The following NUP210L variants were observed in gnomAD, a reference collection of about 807,000 sequenced individuals.
NUP210L encodes the protein nucleoporin 210 like.
Under a neutral mutation model 208.5 loss-of-function variants are expected in NUP210L, and 74 were observed. The ratio of observed to expected loss-of-function variants is 0.35; its 90% CI spans 0.29 to 0.43. The LOEUF is 0.43. Ranked by LOEUF, NUP210L falls within the 20% of genes least tolerant of loss-of-function variation. The probability of loss-of-function intolerance (pLI) is 1.00; values close to 1 mark genes in which losing one functional copy is unlikely to be tolerated. For missense variants in NUP210L, 1,843 were observed against 2,289.4 expected, an observed-to-expected ratio of 0.81 and a Z score of 3.98; for synonymous variants, 780 against 816.9, an observed-to-expected ratio of 0.95 and a Z score of 0.77.
intron 25 of NUP210L, among the ~76,000 whole-genome samples, chr1:154,048,373 C>G (rs1377390408): frequency 6.6e-6 from 1 of 152,070 alleles, no homozygotes; most frequent in Admixed American, 6.6e-5. Flanking sequence ...GGATACACCC[C>G]CCAGATCAAC....
rs146296927 is a variant in NUP210L at position 154,139,287 on chromosome 1, C to T, written c.717+515G>A. Among the ~76,000 whole-genome samples, 36 of 152,084 alleles carry T rather than the reference C, an allele frequency of 2.4e-4. No individual in the cohort carries two copies. In the East Asian group the frequency reaches 6.4e-3, roughly 27 times the overall value. On this transcript the variant is annotated intron_variant, in intron 5 of 39. Coordinates refer to ENST00000368559, the Ensembl canonical transcript of NUP210L. ...CAGTGAACTCATGGTCAAAGAAAGG[C>T]CTTGCACCTACATCAAGGATTGGTG...
intron 35 of NUP210L, among the ~76,000 whole-genome samples, chr1:154,007,780 T>TA (rs1351560654): frequency 2.7e-5 from 4 of 150,776 alleles, no homozygotes; most frequent in Admixed American, 6.6e-5. Flanking sequence ...TTCACCATGT[T>TA]AGCCAGGATG....
chr1:154,012,213 C>T (rs1227580113), intron 34 of NUP210L, 31 bp downstream of exon 34: 2 of 1,604,642 alleles, frequency 1.2e-6, no homozygotes, highest in Non-Finnish European at 1.7e-6. Context: ...AAGATAGGAA[C>T]AATCACTGAA....
intron 12 of NUP210L, among the ~76,000 whole-genome samples, chr1:154,116,026 C>T (rs959886104): frequency 6.6e-6 from 1 of 151,944 alleles, no homozygotes; most frequent in Non-Finnish European, 1.5e-5. Context: ...GAGGCCGAGG[C>T]AGGTGGATCA....
At chr1:154,096,653 G>A (rs1656193937) in intron 14 of NUP210L, among the ~76,000 whole-genome samples, 1 of 151,908 alleles carries the variant, frequency 6.6e-6, no homozygotes, top group African/African-American at 2.4e-5. Context: ...CCAGCTACTT[G>A]GGAGGCTGAG....
chr1:154,126,361 C>T (rs1657979535), exon 10 of NUP210L: 3 of 1,613,580 alleles, frequency 1.9e-6, no homozygotes, highest in African/African-American at 1.3e-5. Context: ...TTTATTACCA[C>T]AACACCATCT....
At chr1:154,126,488 C>A (rs189564958) in intron 9 of NUP210L, 25 bp from the exon 10 acceptor site, 2 of 1,593,920 alleles carry the variant, frequency 1.3e-6, no homozygotes, top group Admixed American at 1.8e-5. Flanking sequence ...CACAGTAACA[C>A]AAACCTGAAG....
chr1:154,057,890 T>C (rs1653954098), intron 22 of NUP210L, among the ~76,000 whole-genome samples, 199 bp downstream of exon 22: 2 of 152,112 alleles, frequency 1.3e-5, no homozygotes, highest in South Asian at 2.1e-4. Context: ...ACTACAGGCA[T>C]GTACCCTCAC....
intron 12 of NUP210L, among the ~76,000 whole-genome samples, chr1:154,112,417 T>G (rs1557984548): frequency 6.6e-6 from 1 of 151,974 alleles, no homozygotes. Flanking sequence ...AAAAAAACAT[T>G]GCTAAAATAA....
chr1:154,038,240 C>T (rs906668247), intron 27 of NUP210L, among the ~76,000 whole-genome samples: 1 of 152,062 alleles, frequency 6.6e-6, no homozygotes, highest in Non-Finnish European at 1.5e-5. Flanking sequence ...TCAAGAGATC[C>T]TCCCACCTCA....
chr1:154,125,744 AGG>A (rs769243616), intron 10 of NUP210L, among the ~76,000 whole-genome samples: 2,510 of 32,556 alleles, frequency 0.077, 945 homozygotes, highest in African/African-American at 0.084. Flanking sequence ...GAAGGGAGGG[AGG>A]GAAATGTTTT....
chr1:154,025,479 G>A, intron 30 of NUP210L, 63 bp downstream of exon 30: 5 of 1,140,774 alleles, frequency 4.4e-6, no homozygotes, highest in Non-Finnish European at 5.8e-6. Context: ...AAGAAACTCT[G>A]CTTTTTAAGG....
At chr1:154,152,688 A>T in intron 2 of NUP210L, 48 bp downstream of exon 2, 2 of 1,546,524 alleles carry the variant, frequency 1.3e-6, no homozygotes, top group Non-Finnish European at 1.8e-6. Context: ...ATACCAGATT[A>T]TTCTACCCCA....
At chr1:154,152,612 A>T in intron 2 of NUP210L, 124 bp downstream of exon 2, 2 of 856,962 alleles carry the variant, frequency 2.3e-6, no homozygotes, top group East Asian at 2.5e-5. Context: ...GCAGCCAGCT[A>T]GGAATCATTT....
intron 2 of NUP210L, among the ~76,000 whole-genome samples, chr1:154,145,680 T>C (rs1300348920): frequency 6.6e-6 from 1 of 152,182 alleles, no homozygotes; most frequent in Non-Finnish European, 1.5e-5. Flanking sequence ...GAAGTTACAA[T>C]AAGCAAGGTG....
intron 16 of NUP210L, chr1:154,079,011 A>G (rs560567862): frequency 3.3e-5 from 5 of 152,266 alleles, no homozygotes; most frequent in East Asian, 1.9e-4. Flanking sequence ...TTGGCTGAGC[A>G]TGGTGGCTCA....
chr1:154,054,816 C>A lies in NUP210L; in HGVS notation c.3257G>T (p.Arg1086Ile), dbSNP rs1449184674. The change falls in exon 24 of 40, where the codon AGA becomes ATA. Residue 1086 changes from arginine (R) to isoleucine (I), a missense_variant. Around this residue, in one of 5 missense-constraint regions of NUP210L, gnomAD observed 781 missense variants for 973.8 expected, o/e 0.80. Coordinates refer to ENST00000368559, the Ensembl canonical transcript of NUP210L. The stretch of plus-strand genomic sequence containing the variant: ...CAGTGTCATTTTCTCTGGAAGAAGT[C>A]TGAATGGAGGAAACACCTTGAAGGA... 4 of 1,612,600 alleles carry A rather than the reference C, an allele frequency of 2.5e-6. No homozygotes were observed. The African/African-American group carries it at 5.3e-5, about 22-fold the overall frequency.
chr1:154,032,763 C>T (rs1302825346), intron 27 of NUP210L, among the ~76,000 whole-genome samples: 2 of 151,428 alleles, frequency 1.3e-5, no homozygotes, highest in African/African-American at 2.4e-5. Flanking sequence ...ACAAAAAATA[C>T]AAAAATTAGC....
intron 8 of NUP210L, among the ~76,000 whole-genome samples, chr1:154,128,160 C>T (rs915112535): frequency 2.0e-5 from 3 of 152,132 alleles, no homozygotes; most frequent in African/African-American, 7.2e-5. Context: ...CTGCACCCAG[C>T]TCTCCAAAGT....
Sources: allele counts gnomAD v4.1 joint callset (sites outside exome capture counted in the v4.1 genomes callset), GRCh38; gene constraint gnomAD v4.1.1; regional missense constraint gnomAD v4.1.1; transcripts MANE v1.5; gene names NCBI Gene and HGNC (gene_info 2026-07-23, HGNC 2026-07-21).